The following DACH2 variants were observed in gnomAD, a reference collection of about 807,000 sequenced individuals.
DACH2 encodes the protein dachshund family transcription factor 2, also known as dachshund homolog 2.
DACH2 carries 17 observed loss-of-function variants against 35.8 expected under a neutral mutation model. The observed-to-expected ratio is 0.48, with a 90% confidence interval of 0.33 to 0.71. The LOEUF is 0.71. Among genes scored for constraint, DACH2 ranks in the 30% least tolerant of loss-of-function variants. DACH2 has a pLI of 0.02. For missense variants in DACH2, 469 were observed against 472.7 expected (o/e 0.99, Z 0.07); for synonymous variants, 195 against 177.3 (o/e 1.10, Z -0.79).
chrX:86,349,997 G>A (rs964130074), intron 1 of DACH2, among the ~76,000 whole-genome samples: 9 of 110,825 alleles, frequency 8.1e-5, no homozygotes, highest in South Asian at 3.9e-4. Flanking sequence ...GAAACCCCCC[G>A]TCTCTACTAA....
At chrX:86,572,877 G>C in intron 3 of DACH2, among the ~76,000 whole-genome samples, 1 of 111,265 alleles carries the variant, frequency 9.0e-6, no homozygotes. Flanking sequence ...TTCACATGAT[G>C]CTCCCTCCTC....
At chrX:86,720,428 A>G (rs12557086) in intron 6 of DACH2, among the ~76,000 whole-genome samples, 25,661 of 111,104 alleles carry the variant, frequency 0.23, 2,236 homozygotes, top group East Asian at 0.47. Flanking sequence ...GGAGAAATTC[A>G]GCCAAAACAA....
intron 3 of DACH2, among the ~76,000 whole-genome samples, chrX:86,625,809 C>A (rs2040129608): frequency 9.0e-6 from 1 of 111,116 alleles, no homozygotes; most frequent in African/African-American, 3.3e-5. Context: ...ATCACGAGAA[C>A]AGCATGGGAA....
At chrX:86,598,255 C>T (rs367665127) in intron 3 of DACH2, among the ~76,000 whole-genome samples, 5 of 111,380 alleles carry the variant, frequency 4.5e-5, no homozygotes, top group African/African-American at 1.6e-4. Flanking sequence ...TAAAATGTCC[C>T]TCTTTATTGC....
chrX:86,188,086 A>G (rs1025751599), intron 1 of DACH2, among the ~76,000 whole-genome samples: 5 of 112,007 alleles, frequency 4.5e-5, no homozygotes, highest in African/African-American at 1.6e-4. Context: ...GTGAGCTTTA[A>G]AAACTTCATG....
chrX:86,392,196 A>G (rs2036215116), intron 2 of DACH2, among the ~76,000 whole-genome samples: 1 of 111,562 alleles, frequency 9.0e-6, no homozygotes, highest in Non-Finnish European at 1.9e-5. Flanking sequence ...AAGGGTATAA[A>G]CATCCATTTT....
intron 2 of DACH2, among the ~76,000 whole-genome samples, chrX:86,414,271 G>A (rs868628280): frequency 2.7e-5 from 3 of 111,106 alleles, no homozygotes; most frequent in Middle Eastern, 4.6e-3. Flanking sequence ...GAATGCAGTA[G>A]GCTTCCTATC....
chrX:86,656,857 G>GTGTATA (rs1333268452), intron 4 of DACH2, among the ~76,000 whole-genome samples: 970 of 66,702 alleles, frequency 0.015, 17 homozygotes, highest in African/African-American at 0.06. Context: ...GTGTGTGTGT[G>GTGTATA]TATATATATA....
chrX:86,296,105 C>A (rs945354678), intron 1 of DACH2, among the ~76,000 whole-genome samples: 2 of 109,892 alleles, frequency 1.8e-5, no homozygotes, highest in East Asian at 2.8e-4. Context: ...CTTGGCCGGG[C>A]GAGGTGGCTC....
At chrX:86,378,898 T>A (rs2036006059) in intron 2 of DACH2, among the ~76,000 whole-genome samples, 1 of 111,379 alleles carries the variant, frequency 9.0e-6, no homozygotes, top group South Asian at 3.6e-4. Context: ...TATTTTTTAC[T>A]ACTTCAAAAT....
At chrX:86,528,686 A>C (rs1253046474) in intron 3 of DACH2, among the ~76,000 whole-genome samples, 1 of 112,336 alleles carries the variant, frequency 8.9e-6, no homozygotes, top group Non-Finnish European at 1.9e-5. Flanking sequence ...TTTTAATGAA[A>C]AATATATGAT....
chrX:86,754,358 G>A (rs1363367634), intron 7 of DACH2, among the ~76,000 whole-genome samples: 1 of 110,401 alleles, frequency 9.1e-6, no homozygotes, highest in African/African-American at 3.3e-5. Flanking sequence ...ATATAAATGA[G>A]GATATGGCAA....
At chrX:86,456,351 A>T (rs191374591) in intron 2 of DACH2, among the ~76,000 whole-genome samples, 1 of 111,994 alleles carries the variant, frequency 8.9e-6, no homozygotes, top group African/African-American at 3.2e-5. Flanking sequence ...TAACATATCA[A>T]TTATAATTTT....
At chrX:86,327,383 G>T (rs2035135451) in intron 1 of DACH2, among the ~76,000 whole-genome samples, 1 of 112,026 alleles carries the variant, frequency 8.9e-6, no homozygotes, top group African/African-American at 3.2e-5. Context: ...TCTCAGGCCA[G>T]TCTTTCTCCT....
chrX:86,414,747 A>T (rs1045995703), intron 2 of DACH2, among the ~76,000 whole-genome samples: 3 of 111,554 alleles, frequency 2.7e-5, no homozygotes, highest in Admixed American at 1.9e-4. Flanking sequence ...GACATCTTTT[A>T]ATCCATATTT....
intron 2 of DACH2, among the ~76,000 whole-genome samples, chrX:86,441,865 GTGTGTA>G (rs1355818997): frequency 1.1e-5 from 1 of 94,162 alleles, no homozygotes; most frequent in Non-Finnish European, 2.1e-5. Flanking sequence ...ATGTGTGTGT[GTGTGTA>G]TATATATATA....
intron 7 of DACH2, among the ~76,000 whole-genome samples, chrX:86,766,683 T>C (rs1407333791): frequency 8.9e-6 from 1 of 112,111 alleles, no homozygotes; most frequent in Non-Finnish European, 1.9e-5. Flanking sequence ...TCAAACCTTA[T>C]TTATTGAAAT....
At position 86,767,943 on chromosome X, in the gene DACH2, TTTTG is replaced by T. The variant is rs767565655; in HGVS notation, c.1240+28081_1240+28084del. 1.9e-3 allele frequency among the ~76,000 whole-genome samples: 210 copies of T among 111,306 alleles called. 1 individual carries two copies. Among genetic ancestry groups the T allele is most frequent in the Non-Finnish European group, 2.5e-3 (130 of 52,972 alleles). On this transcript the variant is annotated intron_variant, in intron 7 of 11. Transcript: ENST00000373125. ...TTTGTTTGTTTGTTTGTTGTTTGTT[TTTTG>T]TTTGTTTGTTTGTTTGTTTTTACTA...
intron 1 of DACH2, among the ~76,000 whole-genome samples, chrX:86,249,598 C>A (rs111900475): frequency 9.0e-6 from 1 of 111,108 alleles, no homozygotes; most frequent in African/African-American, 3.3e-5. Context: ...TATACACTGC[C>A]GGTATGAATA....
Sources: allele counts gnomAD v4.1 joint callset (sites outside exome capture counted in the v4.1 genomes callset), GRCh38; gene constraint gnomAD v4.1.1; transcripts MANE v1.5; gene names NCBI Gene and HGNC (gene_info 2026-07-23, HGNC 2026-07-21).